TDRD5: variants seen among roughly 807,000 people sequenced by gnomAD.
The protein encoded by TDRD5 is tudor domain-containing protein 5.
A neutral mutation model predicts 120.6 loss-of-function variants in TDRD5; 41 were observed. The ratio of observed to expected loss-of-function variants is 0.34; its 90% CI spans 0.26 to 0.44. The LOEUF (loss-of-function observed/expected upper bound fraction) is 0.44, where lower values mean the gene tolerates loss of function less well. TDRD5 is among the 20% of genes least tolerant of loss of function. The probability of loss-of-function intolerance (pLI) is 1.00; values close to 1 mark genes in which losing one functional copy is unlikely to be tolerated. For missense variants in TDRD5, 1,006 were observed against 1,221.2 expected, an observed-to-expected ratio of 0.82 and a Z score of 2.63; for synonymous variants, 430 against 433.7, an observed-to-expected ratio of 0.99 and a Z score of 0.11.
chr1:179,651,201 T>C (rs1678693304), intron 12 of TDRD5, 134 bp downstream of exon 12: 1 of 949,546 alleles, frequency 1.1e-6, no homozygotes, highest in African/African-American at 1.7e-5. Flanking sequence ...TTCCTGGCTT[T>C]TTAATGCAGA....
intron 9 of TDRD5, among the ~76,000 whole-genome samples, chr1:179,637,790 G>A (rs1204188074): frequency 6.6e-6 from 1 of 152,158 alleles, no homozygotes; most frequent in African/African-American, 2.4e-5. Flanking sequence ...ACAAGGATAA[G>A]TAAGACATGG....
chr1:179,655,314 T>A (rs1317005525), intron 14 of TDRD5, among the ~76,000 whole-genome samples: 1 of 152,202 alleles, frequency 6.6e-6, no homozygotes, highest in African/African-American at 2.4e-5. Context: ...ATATCAAACT[T>A]TCCATCAGAT....
chr1:179,656,025 C>A (rs1456741611), intron 14 of TDRD5, among the ~76,000 whole-genome samples: 2 of 152,116 alleles, frequency 1.3e-5, no homozygotes, highest in African/African-American at 2.4e-5. Context: ...AAACTTTTTT[C>A]CAGAGTGGCT....
Position 179,618,577 on chromosome 1 carries a change from CTT to C in TDRD5, c.832-14_832-13del. 6.5e-7 allele frequency: 1 copy of C among 1,545,328 alleles called. No homozygotes were observed. The highest frequency in any genetic ancestry group is 1.3e-5 in the South Asian group (1 of 79,954). On this transcript the variant is annotated intron_variant, in intron 4 of 17. Transcript: ENST00000444136. ...TTTGGTCAGGGGGACTGTGACTTGA[CTT>C]TTTTTTTCTTTTTTCATAGCTGGAG...
At chr1:179,634,717 A>G in intron 8 of TDRD5, 88 bp downstream of exon 8, 2 of 1,425,892 alleles carry the variant, frequency 1.4e-6, no homozygotes, top group Non-Finnish European at 1.9e-6. Context: ...AATTCTTTTT[A>G]GAAAAGTCTT....
chr1:179,654,078 T>G, intron 13 of TDRD5, 123 bp from the exon 14 acceptor site: 1 of 763,834 alleles, frequency 1.3e-6, no homozygotes, highest in Non-Finnish European at 2.0e-6. Flanking sequence ...TGGATAAAGC[T>G]ATAAAATAAT....
At chr1:179,678,297 G>C (rs1336862944) in intron 17 of TDRD5, among the ~76,000 whole-genome samples, 1 of 152,156 alleles carries the variant, frequency 6.6e-6, no homozygotes, top group Admixed American at 6.5e-5. Flanking sequence ...CTAGGCAGCT[G>C]GTGACCAGGG....
Position 179,640,439 on chromosome 1 carries a change from A to G in TDRD5, c.1794A>G (p.Pro598=). 6.2e-7 allele frequency: 1 copy of G among 1,614,140 alleles called. No homozygotes were observed. Among genetic ancestry groups the G allele is most frequent in the Non-Finnish European group, 8.5e-7 (1 of 1,179,988 alleles). The change falls in exon 11 of 18, where the codon CCA becomes CCG. Residue 598 remains proline (P), a synonymous_variant. Transcript: ENST00000444136. The part of the protein sequence containing the change: ...AIPCSLAWVR[P]VEEHWTSKAI... ...CTTGTTCTTTGGCTTGGGTGAGACCAGTAGAGGTATGTTTGCTTGTCTCCC... is the reference window on the plus strand; with the variant it reads ...CTTGTTCTTTGGCTTGGGTGAGACCGGTAGAGGTATGTTTGCTTGTCTCCC...
At chr1:179,622,666 G>A (rs1558385600) in intron 6 of TDRD5, among the ~76,000 whole-genome samples, 1 of 152,088 alleles carries the variant, frequency 6.6e-6, no homozygotes, top group Non-Finnish European at 1.5e-5. Context: ...GGAAATGGCA[G>A]AAGAAAGCTT....
intron 17 of TDRD5, among the ~76,000 whole-genome samples, chr1:179,672,063 A>G (rs1679883995): frequency 6.6e-6 from 1 of 151,384 alleles, no homozygotes; most frequent in Non-Finnish European, 1.5e-5. Flanking sequence ...ACCATTACAA[A>G]TTGTGCTGCT....
At chr1:179,618,409 G>A (rs1676669721) in intron 4 of TDRD5, among the ~76,000 whole-genome samples, 190 bp from the exon 5 acceptor site, 1 of 152,124 alleles carries the variant, frequency 6.6e-6, no homozygotes, top group East Asian at 1.9e-4. Flanking sequence ...GTTTCATAAT[G>A]ATTCTATCTA....
Position 179,660,262 on chromosome 1 carries a change from C to T in TDRD5, c.2323-1842C>T, listed in dbSNP as rs551930437. ...TGAGACAGAGTCTTGCTCTGTTGCC[C>T]AGGCTGGAGTGCAGTGGCACAATCT... On this transcript the variant is annotated intron_variant, in intron 14 of 17. Transcript: ENST00000444136. 2.2e-3 allele frequency among the ~76,000 whole-genome samples: 275 copies of T among 125,686 alleles called. 3 individuals carry two copies. Among genetic ancestry groups the T allele is most frequent in the African/African-American group, 7.8e-3 (260 of 33,322 alleles). 82.5% of individuals were successfully genotyped at this position (125,686 alleles called of 152,430 possible).
At chr1:179,617,668 C>T (rs940350036) in intron 4 of TDRD5, among the ~76,000 whole-genome samples, 13 of 151,594 alleles carry the variant, frequency 8.6e-5, no homozygotes, top group Non-Finnish European at 1.6e-4. Flanking sequence ...GTCGATTGAA[C>T]AAAACTCTAC....
At position 179,618,746 on chromosome 1, in the gene TDRD5, G is replaced by C; in HGVS notation, c.915+64G>C. On this transcript the variant is annotated intron_variant, in intron 5 of 17. Coordinates refer to ENST00000444136, the MANE Select transcript of TDRD5 (RefSeq NM_001199085.3). ...TTTATAAATTTATATATCATTTGTG[G>C]TTGAGTTTGTCTGCAAGTATTAATT... 4.1e-6 allele frequency: 5 copies of C among 1,231,946 alleles called. No homozygotes were observed. In the South Asian group the frequency reaches 8.5e-5, roughly 21 times the overall value. 76.3% of individuals were successfully genotyped at this position (1,231,946 alleles called of 1,614,324 possible).
At position 179,687,871 on chromosome 1, in the gene TDRD5, CT is replaced by C. The variant is rs139709484; in HGVS notation, c.2861-2811del. 3.3e-3 allele frequency among the ~76,000 whole-genome samples: 463 copies of C among 140,092 alleles called. 3 individuals carry two copies. The highest frequency in any genetic ancestry group is 0.01 in the African/African-American group (395 of 37,978). The allele number at this position is 140,092 out of a possible 152,430, so 91.9% of individuals were successfully genotyped here. A position where few individuals can be genotyped will look rare whatever the true frequency, so the allele number is the denominator to read the frequency against. ...TCAGAGACTAGGATTGCAACCCCTG[CT>C]TTTTTTTTTTTTTCCATTTGCTTGG... On this transcript the variant is annotated intron_variant, in intron 17 of 17. Transcript: ENST00000444136.
chr1:179,609,868 T>G lies in TDRD5; in HGVS notation c.832-8731T>G, dbSNP rs1676189314. ...TTAAGGGAGTTCCTCTGCAGATCTCTAGAGCTATTTCTGTGTCACTCCTCC... is the reference window on the plus strand; with the variant it reads ...TTAAGGGAGTTCCTCTGCAGATCTCGAGAGCTATTTCTGTGTCACTCCTCC... On this transcript the variant is annotated intron_variant, in intron 4 of 17. Transcript: ENST00000444136. Among the ~76,000 whole-genome samples, 3 of 152,176 alleles carry G rather than the reference T, an allele frequency of 2.0e-5. No homozygotes were observed. The South Asian group carries it at 6.2e-4, about 32-fold the overall frequency.
intron 16 of TDRD5, among the ~76,000 whole-genome samples, chr1:179,665,176 T>A (rs1378442949): frequency 6.6e-6 from 1 of 152,140 alleles, no homozygotes; most frequent in Non-Finnish European, 1.5e-5. Flanking sequence ...ATGAGATATA[T>A]TATTTTCAAA....
chr1:179,641,194 G>T (rs1283826957), intron 11 of TDRD5, among the ~76,000 whole-genome samples: 3 of 151,948 alleles, frequency 2.0e-5, no homozygotes, highest in Non-Finnish European at 4.4e-5. Flanking sequence ...CTTATCAGTT[G>T]CTCACATATA....
At chr1:179,640,335 T>C (rs919694771) in intron 10 of TDRD5, 44 bp from the exon 11 acceptor site, 16 of 1,603,630 alleles carry the variant, frequency 1.0e-5, no homozygotes, top group Non-Finnish European at 1.4e-5. Flanking sequence ...TGCATTTATA[T>C]ATAGCAGGAA....
Sources: allele counts gnomAD v4.1 joint callset (sites outside exome capture counted in the v4.1 genomes callset), GRCh38; gene constraint gnomAD v4.1.1; transcripts MANE v1.5; gene names NCBI Gene and HGNC (gene_info 2026-07-23, HGNC 2026-07-21).